ACOT2: variants seen among roughly 807,000 people sequenced by gnomAD.
The protein encoded by ACOT2 is acyl-coenzyme A thioesterase 2, mitochondrial.
A neutral mutation model predicts 20.1 loss-of-function variants in ACOT2; 15 were observed. That is an observed-to-expected ratio of 0.75 (90% CI 0.50 to 1.15). The LOEUF is 1.15. Ranked by LOEUF, ACOT2 falls within the 50% of genes most tolerant of loss-of-function variation. ACOT2 has a pLI of 0.00. For synonymous variants in ACOT2, 252 were observed against 268.4 expected, an observed-to-expected ratio of 0.94 and a Z score of 0.60; for missense variants, 479 against 615.3, an observed-to-expected ratio of 0.78 and a Z score of 2.34.
chr14:73,574,981 T>C lies in ACOT2; in HGVS notation c.920T>C (p.Leu307Pro), dbSNP rs552286865. ...GELCLSMASF[L>P]KGITAAVVIN... ...CTCTGCCTTTCCATGGCCTCTTTCC[T>C]GAAGGGCATCACGGCTGCTGTCGTC... is the stretch of plus-strand genomic sequence containing the variant. The change falls in exon 3 of 3, where the codon CTG becomes CCG. Residue 307 changes from leucine to proline, a missense_variant. By Grantham distance (98) the Leu-to-Pro change is moderately conservative. Around this residue, in one of 4 missense-constraint regions of ACOT2, gnomAD observed 39 missense variants for 108.0 expected, o/e 0.36. Coordinates refer to ENST00000238651, the MANE Select transcript of ACOT2 (RefSeq NM_006821.6). 2 of 1,604,156 alleles carry C rather than the reference T, an allele frequency of 1.2e-6. No homozygotes were observed. Among genetic ancestry groups the C allele is most frequent in the South Asian group, 2.2e-5 (2 of 90,616 alleles).
At chr14:73,574,877 T>C (rs779826512) in intron 2 of ACOT2, 31 bp from the exon 3 acceptor site, 1 of 1,612,842 alleles carries the variant, frequency 6.2e-7, no homozygotes, top group South Asian at 1.1e-5. Context: ...GTGGAATCAT[T>C]CTTCTTCTTT....
chr14:73,569,654 G>T lies in ACOT2; in HGVS notation c.414G>T (p.Glu138Asp), dbSNP rs763210244. The T allele has an allele frequency of 3.7e-5, 60 of 1,605,840 alleles. No individual in the cohort carries two copies. The highest frequency in any genetic ancestry group is 6.7e-5 in the Admixed American group (4 of 59,618). The part of the protein sequence containing the change: ...PALGGSFAGL[E>D]PMGLLWALEP... ...TGGGCGGCAGCTTCGCGGGGCTTGA[G>T]CCCATGGGGCTGCTCTGGGCCTTGG... The change falls in exon 1 of 3, where the codon GAG becomes GAT. Residue 138 changes from glutamate (E) to aspartate (D), a missense_variant. Coordinates refer to ENST00000238651, the MANE Select transcript of ACOT2 (RefSeq NM_006821.6).
intron 1 of ACOT2, 25 bp from the exon 2 acceptor site, chr14:73,573,363 G>A: frequency 6.2e-7 from 1 of 1,613,498 alleles, no homozygotes; most frequent in East Asian, 2.2e-5. Context: ...GCTTAGTTTT[G>A]CATTTTGTTT....
At chr14:73,573,266 G>C (rs1033647100) in intron 1 of ACOT2, 122 bp from the exon 2 acceptor site, 3 of 1,406,676 alleles carry the variant, frequency 2.1e-6, no homozygotes, top group Non-Finnish European at 3.0e-6. Flanking sequence ...TTCATTTCTC[G>C]TGGGTAGATA....
chr14:73,574,387 C>A, intron 2 of ACOT2: 1 of 192,118 alleles, frequency 5.2e-6, no homozygotes. Context: ...GCCTCAGCCT[C>A]CCACGTAGCT....
In ACOT2 at chr14:73,570,903, T is replaced by TAAA. The variant is rs56094300; in HGVS notation, c.643+1036_643+1038dup. On this transcript the variant is annotated intron_variant, in intron 1 of 2. Coordinates refer to ENST00000238651, the MANE Select transcript of ACOT2 (RefSeq NM_006821.6). ...CTGGGGGACAAGAGTGACTCTATCT[T>TAAA]AAAAAAAAAAAAAAAAAATTCAGGT... 6.0e-3 allele frequency among the ~76,000 whole-genome samples: 827 copies of TAAA among 137,452 alleles called. 17 individuals are homozygous for TAAA. Among genetic ancestry groups the TAAA allele is most frequent in the African/African-American group, 0.021 (759 of 36,946 alleles). The allele number at this position is 137,452 out of a possible 152,430, so 90.2% of individuals were successfully genotyped here. A position where few individuals can be genotyped will look rare whatever the true frequency, so the allele number is the denominator to read the frequency against.
rs761785032 is a variant in ACOT2 at position 73,573,597 on chromosome 14, T to A, written c.846+7T>A. ...CTTGCTCAGTCATCCCGAGGTTAGT[T>A]CTTCTTTCAGATTTATGGGCTATGA... On this transcript the variant is annotated splice_region_variant and intron_variant, in intron 2 of 2. Coordinates refer to ENST00000238651, the MANE Select transcript of ACOT2 (RefSeq NM_006821.6). 7 of 1,613,592 alleles carry A rather than the reference T, an allele frequency of 4.3e-6. 1 individual carries two copies. The South Asian group carries it at 5.5e-5, about 13-fold the overall frequency.
In ACOT2 at chr14:73,575,248, A is replaced by G; in HGVS notation, c.1187A>G (p.Tyr396Cys). The G allele has an allele frequency of 1.1e-6, 1 of 884,510 alleles. No homozygotes were observed. The highest frequency in any genetic ancestry group is 2.8e-5 in the East Asian group (1 of 35,168). 54.8% of individuals were successfully genotyped at this position (884,510 alleles called of 1,614,324 possible). A position where few individuals can be genotyped will look rare whatever the true frequency, so the allele number is the denominator to read the frequency against. ...QDDHNWKSEF[Y>C]ANEACKRLQA... ...GACCACAACTGGAAGAGTGAGTTCT[A>G]TGCTAATGAGGCCTGTAAACGCTTG... The change falls in exon 3 of 3, where the codon TAT (tyrosine) becomes TGT (cysteine). Residue 396 changes from tyrosine to cysteine, a missense_variant. Transcript: ENST00000238651.
In ACOT2 at chr14:73,569,567, G is replaced by A. The variant is rs1385909645; in HGVS notation, c.327G>A (p.Gln109=). ...GCGACGAGAAGGGCGCGCTTTTCCAGGCCCACGCGCGCTACCGCGCCGACA... is the reference window on the plus strand; with the variant it reads ...GCGACGAGAAGGGCGCGCTTTTCCAAGCCCACGCGCGCTACCGCGCCGACA... ...SLRDEKGALF[Q]AHARYRADTL... The change falls in exon 1 of 3, where the codon CAG becomes CAA. Residue 109 remains glutamine (Q), a synonymous_variant. Coordinates refer to ENST00000238651, the MANE Select transcript of ACOT2 (RefSeq NM_006821.6). The A allele has an allele frequency of 1.9e-6, 3 of 1,600,380 alleles. No individual in the cohort carries two copies. The highest frequency in any genetic ancestry group is 1.3e-5 in the African/African-American group (1 of 74,636).
chr14:73,573,337 A>C, intron 1 of ACOT2, 51 bp from the exon 2 acceptor site: 2 of 1,611,532 alleles, frequency 1.2e-6, no homozygotes, highest in Non-Finnish European at 1.7e-6. Context: ...TAAACCATCC[A>C]ACTGTTTCAG....
intron 2 of ACOT2, chr14:73,574,376 T>G (rs1277289943): frequency 5.4e-6 from 1 of 184,706 alleles, no homozygotes; most frequent in East Asian, 1.4e-4. Flanking sequence ...TTGATTCTTC[T>G]GCCTCAGCCT....
At chr14:73,572,787 A>G (rs369653127) in intron 1 of ACOT2, among the ~76,000 whole-genome samples, 484 of 148,518 alleles carry the variant, frequency 3.3e-3, no homozygotes, top group African/African-American at 0.012. Context: ...CTGGGATTAC[A>G]GGTGGCCGCC....
chr14:73,570,381 A>G (rs1342627606), intron 1 of ACOT2, among the ~76,000 whole-genome samples: 1 of 151,872 alleles, frequency 6.6e-6, no homozygotes, highest in Non-Finnish European at 1.5e-5. Flanking sequence ...CATCCTGACT[A>G]ACACGGTGAA....
chr14:73,572,075 A>G (rs1595170275), intron 1 of ACOT2, among the ~76,000 whole-genome samples: 1 of 149,678 alleles, frequency 6.7e-6, no homozygotes, highest in South Asian at 2.2e-4. Context: ...AAGGAGCAAC[A>G]TATTCATCTG....
At chr14:73,570,373 T>A (rs1305016892) in intron 1 of ACOT2, among the ~76,000 whole-genome samples, 2 of 151,508 alleles carry the variant, frequency 1.3e-5, no homozygotes, top group Non-Finnish European at 1.5e-5. Context: ...ATTGAGGCCA[T>A]CCTGACTAAC....
chr14:73,575,520 T>A lies in ACOT2; in HGVS notation c.*7T>A, dbSNP rs200624932. On this transcript the variant is annotated 3_prime_UTR_variant, in exon 3 of 3. Transcript: ENST00000238651. ...AATCCCATCAAAAGTGTAAATTTTA[T>A]TTGATCATGTGGCCTCTCTGTTGCT... is the stretch of plus-strand genomic sequence containing the variant. 3.7e-3 allele frequency: 5,522 copies of A among 1,504,172 alleles called. 176 individuals are homozygous for A. The African/African-American group carries it at 0.069, about 19-fold the overall frequency. 93.2% of individuals were successfully genotyped at this position (1,504,172 alleles called of 1,614,324 possible). A position where few individuals can be genotyped will look rare whatever the true frequency, so the allele number is the denominator to read the frequency against.
rs1012296335 is a variant in ACOT2 at position 73,574,849 on chromosome 14, C to T, written c.847-59C>T. 3.8e-5 allele frequency: 62 copies of T among 1,612,032 alleles called. No homozygotes were observed. In the Admixed American group the frequency reaches 1.0e-3, roughly 26 times the overall value. ...ACTAACTTCCAGGGTGGACACAACT[C>T]ACCATATTCCACTGTTTGTGGAATC... On this transcript the variant is annotated intron_variant, in intron 2 of 2. Coordinates refer to ENST00000238651, the MANE Select transcript of ACOT2 (RefSeq NM_006821.6).
chr14:73,570,088 C>G (rs1185617832), intron 1 of ACOT2, among the ~76,000 whole-genome samples: 1 of 150,142 alleles, frequency 6.7e-6, no homozygotes, highest in African/African-American at 2.4e-5. Context: ...CCACCGCGCC[C>G]GGCACTTTGA....
chr14:73,574,369 A>G (rs999121411), intron 2 of ACOT2: 2 of 175,826 alleles, frequency 1.1e-5, no homozygotes, highest in Non-Finnish European at 2.4e-5. Context: ...GGTTCAATTG[A>G]TTCTTCTGCC....
Sources: gnomAD v4.1 joint callset for allele counts (sites outside exome capture counted in the v4.1 genomes callset) on GRCh38, gnomAD v4.1.1 for gene constraint, gnomAD v4.1.1 regional missense constraint, MANE v1.5 for transcripts, NCBI Gene and HGNC (gene_info 2026-07-23, HGNC 2026-07-21) for gene names.